The following NDE1 variants were observed in gnomAD, a reference collection of about 807,000 sequenced individuals.
NDE1 encodes the protein nudE neurodevelopment protein 1, also known as nuclear distribution protein nudE homolog 1.
A neutral mutation model predicts 43.4 loss-of-function variants in NDE1; 28 were observed. The ratio of observed to expected loss-of-function variants is 0.65; its 90% CI spans 0.48 to 0.89. The LOEUF is 0.89. Among genes scored for constraint, NDE1 ranks in the 40% least tolerant of loss-of-function variants. The probability of loss-of-function intolerance (pLI) is 0.00; values close to 1 mark genes in which losing one functional copy is unlikely to be tolerated. For synonymous variants in NDE1, 184 were observed against 172.0 expected (o/e 1.07, Z -0.55); for missense variants, 441 against 434.1 (o/e 1.02, Z -0.14).
intron 1 of NDE1, chr16:15,651,953 G>C (rs891832537): frequency 1.3e-5 from 2 of 151,878 alleles, no homozygotes; most frequent in African/African-American, 4.8e-5. Context: ...TCTTGTCCAG[G>C]CTGGAGTGCA....
chr16:15,656,112 T>G (rs935071758), intron 1 of NDE1, among the ~76,000 whole-genome samples: 67 of 151,980 alleles, frequency 4.4e-4, no homozygotes, highest in Non-Finnish European at 2.2e-4. Context: ...ACATGTACCC[T>G]AAAACTTAAA....
At chr16:15,682,658 A>G (rs16967564) in intron 4 of NDE1, among the ~76,000 whole-genome samples, 9,381 of 152,278 alleles carry the variant, frequency 0.062, 994 homozygotes, top group African/African-American at 0.21. Context: ...CTAAGATGCC[A>G]AAAAGTTTTA....
At chr16:15,691,829 A>G (rs1045671158) in intron 6 of NDE1, among the ~76,000 whole-genome samples, 3 of 151,506 alleles carry the variant, frequency 2.0e-5, no homozygotes, top group Non-Finnish European at 4.4e-5. Flanking sequence ...CAGTCTTGCC[A>G]TGTCGCCCAG....
rs1567700861 is a variant in NDE1 at position 15,724,834 on chromosome 16, GC to G, written c.*587del. ...GGATGCAAAGAGGTCCCAGGGACCT[GC>G]CCCGAGGAAGGCCACCCCCCAGGTC... On this transcript the variant is annotated 3_prime_UTR_variant, in exon 9 of 9. Coordinates refer to ENST00000396354, the MANE Select transcript of NDE1 (RefSeq NM_017668.3). 6.2e-7 allele frequency: 1 copy of G among 1,613,580 alleles called. No homozygotes were observed. The highest frequency in any genetic ancestry group is 2.2e-5 in the East Asian group (1 of 44,858).
intron 8 of NDE1, chr16:15,697,090 C>G (rs1336835123): frequency 7.2e-6 from 7 of 978,806 alleles, no homozygotes; most frequent in African/African-American, 1.7e-5. Context: ...ACTCTGTCAC[C>G]TAGGCTAGAA....
At chr16:15,707,764 G>C (rs1387803651) in intron 8 of NDE1, among the ~76,000 whole-genome samples, 1 of 152,144 alleles carries the variant, frequency 6.6e-6, no homozygotes. Context: ...CTGAAGTCAG[G>C]AGTTTGAGAC....
chr16:15,647,725 G>T (rs1184351554), upstream of NDE1, among the ~76,000 whole-genome samples: 1 of 152,080 alleles, frequency 6.6e-6, no homozygotes, highest in Admixed American at 6.6e-5. Context: ...AGGGTGCATT[G>T]TACAGAAGAA....
chr16:15,666,259 A>G (rs2037301641), intron 2 of NDE1, among the ~76,000 whole-genome samples: 1 of 152,026 alleles, frequency 6.6e-6, no homozygotes, highest in South Asian at 2.1e-4. Context: ...TTTATTTATA[A>G]TGGGTCTTTA....
At chr16:15,692,799 C>T (rs1334569393) in intron 6 of NDE1, among the ~76,000 whole-genome samples, 2 of 150,908 alleles carry the variant, frequency 1.3e-5, no homozygotes, top group African/African-American at 4.9e-5. Context: ...TGCAGTGGTG[C>T]AATCATAGCT....
intron 3 of NDE1, among the ~76,000 whole-genome samples, chr16:15,675,143 A>C (rs1223669837): frequency 6.6e-6 from 1 of 151,880 alleles, no homozygotes; most frequent in Non-Finnish European, 1.5e-5. Context: ...AGGAGGTGGG[A>C]GGCACTTAGG....
chr16:15,654,317 G>A (rs748629065), intron 1 of NDE1, among the ~76,000 whole-genome samples: 4 of 151,974 alleles, frequency 2.6e-5, no homozygotes, highest in Non-Finnish European at 5.9e-5. Flanking sequence ...CACTATGTGA[G>A]GGCCGGGTGC....
At chr16:15,717,798 AAAAAG>A (rs1056942602) in intron 8 of NDE1, 8 of 259,556 alleles carry the variant, frequency 3.1e-5, no homozygotes, top group Admixed American at 1.0e-4. Context: ...TGTCTCCAAA[AAAAAG>A]AGGTGCTTCC....
Position 15,724,269 on chromosome 16 carries a change from T to C in NDE1, c.*18T>C, listed in dbSNP as rs2040633274. Reference sequence around the variant, plus strand: ...CCTGCTGAAGCCTGTTCTTGGTCTTTTCCAGTTTATCATAAGCGGCCGCCT... The same window carrying C: ...CCTGCTGAAGCCTGTTCTTGGTCTTCTCCAGTTTATCATAAGCGGCCGCCT... On this transcript the variant is annotated 3_prime_UTR_variant, in exon 9 of 9. Transcript: ENST00000396354. 1 of 1,614,068 alleles carries C rather than the reference T, an allele frequency of 6.2e-7. No homozygotes were observed. The highest frequency in any genetic ancestry group is 1.3e-5 in the African/African-American group (1 of 74,930).
chr16:15,650,494 C>T (rs979613068), intron 1 of NDE1, among the ~76,000 whole-genome samples, 200 bp downstream of exon 1: 1 of 152,258 alleles, frequency 6.6e-6, no homozygotes, highest in South Asian at 2.1e-4. Context: ...TCCCGCCTCC[C>T]TGGAGCCTCC....
At chr16:15,644,004 A>G (rs550377716) in intron 1 of NDE1, 1 of 152,180 alleles carries the variant, frequency 6.6e-6, no homozygotes, top group Non-Finnish European at 1.5e-5. Context: ...ATAGCGCCCC[A>G]CAATCTTCAC....
At chr16:15,682,606 A>T (rs757651137) in intron 4 of NDE1, among the ~76,000 whole-genome samples, 6 of 152,256 alleles carry the variant, frequency 3.9e-5, no homozygotes, top group Non-Finnish European at 7.3e-5. Flanking sequence ...GTAACTAAAA[A>T]TTAAATACAT....
intron 1 of NDE1, among the ~76,000 whole-genome samples, chr16:15,651,091 C>G (rs960350598): frequency 6.6e-6 from 1 of 152,208 alleles, no homozygotes; most frequent in Non-Finnish European, 1.5e-5. Context: ...CTTGACACCG[C>G]TTTTGGGGAG....
intron 5 of NDE1, among the ~76,000 whole-genome samples, chr16:15,690,874 C>T (rs565170329): frequency 2.4e-4 from 36 of 152,300 alleles, no homozygotes; most frequent in Admixed American, 1.3e-3. Flanking sequence ...CTGGAGCAAT[C>T]TCAGCTCACT....
intron 8 of NDE1, among the ~76,000 whole-genome samples, chr16:15,709,767 C>G (rs572482541): frequency 6.6e-6 from 1 of 152,264 alleles, no homozygotes; most frequent in African/African-American, 2.4e-5. Flanking sequence ...CCAAGAAGTC[C>G]CAGGCAAGGA....
Sources: allele counts gnomAD v4.1 joint callset (sites outside exome capture counted in the v4.1 genomes callset), GRCh38; gene constraint gnomAD v4.1.1; transcripts MANE v1.5; gene names NCBI Gene and HGNC (gene_info 2026-07-23, HGNC 2026-07-21).